The following GRID1 variants were observed in gnomAD, a reference collection of about 807,000 sequenced individuals.
GRID1 encodes glutamate ionotropic receptor delta type subunit 1.
GRID1 carries 28 observed loss-of-function variants against 98.0 expected under a neutral mutation model. The observed-to-expected ratio is 0.29, with a 90% CI of 0.21 to 0.39. The LOEUF (loss-of-function observed/expected upper bound fraction) is 0.39, where lower values mean the gene tolerates loss of function less well. GRID1 is among the 10% of genes least tolerant of loss of function. The pLI, the probability that GRID1 is intolerant of heterozygous loss-of-function variation, is 1.00. For missense variants in GRID1, 1,111 were observed against 1,340.5 expected, an observed-to-expected ratio of 0.83 and a Z score of 2.67; for synonymous variants, 553 against 538.5, an observed-to-expected ratio of 1.03 and a Z score of -0.37.
intron 4 of GRID1, among the ~76,000 whole-genome samples, chr10:86,009,125 G>A (rs1352443496): frequency 2.0e-5 from 3 of 151,866 alleles, no homozygotes; most frequent in Admixed American, 2.0e-4. Context: ...CAATTCTGAG[G>A]TCCAACTTAT....
At chr10:85,705,218 C>T (rs1390704208) in intron 12 of GRID1, among the ~76,000 whole-genome samples, 5 of 151,880 alleles carry the variant, frequency 3.3e-5, no homozygotes, top group Non-Finnish European at 5.9e-5. Context: ...TTGATAGACT[C>T]CTAGCAAGAC....
At chr10:85,928,921 C>T (rs1180918312) in intron 4 of GRID1, among the ~76,000 whole-genome samples, 1 of 152,178 alleles carries the variant, frequency 6.6e-6, no homozygotes, top group Admixed American at 6.5e-5. Context: ...TTTGATCAAC[C>T]AGGGAAATAT....
At chr10:85,681,732 T>C (rs1841211294) in intron 12 of GRID1, among the ~76,000 whole-genome samples, 1 of 152,190 alleles carries the variant, frequency 6.6e-6, no homozygotes, top group Non-Finnish European at 1.5e-5. Flanking sequence ...CAGGTTGTTC[T>C]GCTGGCATTT....
intron 5 of GRID1, among the ~76,000 whole-genome samples, chr10:85,876,047 C>A (rs938177502): frequency 6.6e-6 from 1 of 152,148 alleles, no homozygotes; most frequent in East Asian, 1.9e-4. Flanking sequence ...AATTCTAAGT[C>A]GACTACTATT....
At chr10:85,766,977 C>G (rs1199189697) in intron 8 of GRID1, among the ~76,000 whole-genome samples, 1 of 152,096 alleles carries the variant, frequency 6.6e-6, no homozygotes, top group African/African-American at 2.4e-5. Context: ...AGGGGAAGAG[C>G]CTTCCTCTGT....
chr10:85,978,208 C>A (rs1258927992), intron 4 of GRID1, among the ~76,000 whole-genome samples: 2 of 152,168 alleles, frequency 1.3e-5, no homozygotes, highest in Admixed American at 6.6e-5. Flanking sequence ...AAAGCCACAT[C>A]CTTGGGGTTC....
At chr10:86,174,166 A>G (rs1463496686) in intron 3 of GRID1, among the ~76,000 whole-genome samples, 1 of 152,226 alleles carries the variant, frequency 6.6e-6, no homozygotes, top group Non-Finnish European at 1.5e-5. Flanking sequence ...ACTTTCAAAA[A>G]AGAGCCTGCA....
At chr10:85,721,554 C>G (rs1388154533) in intron 12 of GRID1, among the ~76,000 whole-genome samples, 1 of 152,040 alleles carries the variant, frequency 6.6e-6, no homozygotes, top group Non-Finnish European at 1.5e-5. Context: ...CACATGAAAA[C>G]GTGGACGAAT....
chr10:86,097,821 G>A (rs888350312), intron 4 of GRID1, among the ~76,000 whole-genome samples: 29 of 152,290 alleles, frequency 1.9e-4, no homozygotes, highest in African/African-American at 6.3e-4. Flanking sequence ...AACTGCATGT[G>A]AATCTATCAT....
intron 4 of GRID1, among the ~76,000 whole-genome samples, chr10:86,058,962 C>T (rs188326774): frequency 4.7e-4 from 72 of 152,304 alleles, no homozygotes; most frequent in Admixed American, 1.6e-3. Context: ...GAGGACATAA[C>T]ACTGGGCAGC....
intron 8 of GRID1, among the ~76,000 whole-genome samples, chr10:85,790,280 A>G (rs567283557): frequency 6.6e-6 from 1 of 152,214 alleles, no homozygotes; most frequent in Non-Finnish European, 1.5e-5. Context: ...AACTCAATAA[A>G]TATAGACGGA....
chr10:86,287,491 G>C (rs947663799), intron 2 of GRID1, among the ~76,000 whole-genome samples: 2 of 152,220 alleles, frequency 1.3e-5, no homozygotes, highest in African/African-American at 4.8e-5. Flanking sequence ...CACAGTGCTT[G>C]CACTGGCACC....
chr10:86,057,630 G>T (rs978939577), intron 4 of GRID1, among the ~76,000 whole-genome samples: 1 of 152,042 alleles, frequency 6.6e-6, no homozygotes, highest in African/African-American at 2.4e-5. Flanking sequence ...AGCACAGAGG[G>T]ATCAGTTTTC....
At chr10:86,137,730 C>T (rs554187880) in intron 4 of GRID1, among the ~76,000 whole-genome samples, 3 of 152,104 alleles carry the variant, frequency 2.0e-5, no homozygotes, top group African/African-American at 4.8e-5. Context: ...CACAGCCTGG[C>T]GGACCACCGG....
chr10:86,315,392 G>A (rs571589977), intron 2 of GRID1, among the ~76,000 whole-genome samples: 1 of 152,188 alleles, frequency 6.6e-6, no homozygotes, highest in Non-Finnish European at 1.5e-5. Context: ...ATGGAGCAGA[G>A]AAAAGCCCAG....
intron 13 of GRID1, among the ~76,000 whole-genome samples, chr10:85,638,084 A>C (rs1843071839): frequency 1.3e-5 from 2 of 151,622 alleles, no homozygotes; most frequent in African/African-American, 2.4e-5. Context: ...TAACATTAAG[A>C]AGCTAGAAGA....
At chr10:85,618,248 T>C (rs765490166) in intron 14 of GRID1, among the ~76,000 whole-genome samples, 20 of 152,166 alleles carry the variant, frequency 1.3e-4, no homozygotes, top group Non-Finnish European at 2.9e-4. Context: ...GGGGCCCCTG[T>C]GCTTCCATGA....
chr10:86,311,339 G>A lies in GRID1; in HGVS notation c.235+52602C>T, dbSNP rs139642614. Reference sequence around the variant, plus strand: ...GCAAGCAGGAGGAGGATATCCTGGGGCAGCTGGGAGACCTAGTCGGGGCAG... The same window carrying A: ...GCAAGCAGGAGGAGGATATCCTGGGACAGCTGGGAGACCTAGTCGGGGCAG... On this transcript the variant is annotated intron_variant, in intron 2 of 15. Coordinates refer to ENST00000327946, the MANE Select transcript of GRID1 (RefSeq NM_017551.3). 6.5e-4 allele frequency among the ~76,000 whole-genome samples: 99 copies of A among 152,218 alleles called. 1 individual carries two copies. Among genetic ancestry groups the A allele is most frequent in the African/African-American group, 2.2e-3 (92 of 41,556 alleles).
intron 8 of GRID1, among the ~76,000 whole-genome samples, chr10:85,841,385 A>G: frequency 6.6e-6 from 1 of 152,200 alleles, no homozygotes; most frequent in East Asian, 1.9e-4. Context: ...AAAACTCTCT[A>G]AGACAACCTA....
Sources: gnomAD v4.1 joint callset for allele counts (sites outside exome capture counted in the v4.1 genomes callset) on GRCh38, gnomAD v4.1.1 for gene constraint, MANE v1.5 for transcripts, NCBI Gene and HGNC (gene_info 2026-07-23, HGNC 2026-07-21) for gene names.